The following ZFAND3 variants were observed in gnomAD, a reference collection of about 807,000 sequenced individuals.
ZFAND3 encodes the protein zinc finger AN1-type containing 3.
In ZFAND3, 10 loss-of-function variants were observed where a neutral mutation model predicts 29.6. That is an observed-to-expected ratio of 0.34 (90% CI 0.21 to 0.57). The LOEUF (loss-of-function observed/expected upper bound fraction) is 0.57. Among genes scored for constraint, ZFAND3 ranks in the 20% least tolerant of loss-of-function variants. The pLI is 0.86. For missense variants in ZFAND3, 230 were observed against 304.5 expected, an observed-to-expected ratio of 0.76 and a Z score of 1.82; for synonymous variants, 128 against 112.6, an observed-to-expected ratio of 1.14 and a Z score of -0.87.
At chr6:37,965,108 A>G (rs535639296) in intron 2 of ZFAND3, among the ~76,000 whole-genome samples, 1 of 152,344 alleles carries the variant, frequency 6.6e-6, no homozygotes, top group Admixed American at 6.5e-5. Context: ...AGTACAATAA[A>G]AATAACTTGA....
chr6:37,972,183 C>A (rs1044503372), intron 2 of ZFAND3, among the ~76,000 whole-genome samples: 1 of 152,144 alleles, frequency 6.6e-6, no homozygotes, highest in Non-Finnish European at 1.5e-5. Flanking sequence ...AGCTGTTATA[C>A]CTCACTCAGC....
intron 4 of ZFAND3, among the ~76,000 whole-genome samples, chr6:38,092,126 A>G (rs1043627724): frequency 6.6e-6 from 1 of 152,176 alleles, no homozygotes; most frequent in African/African-American, 2.4e-5. Flanking sequence ...ATCTTCAGAA[A>G]TATTTCATAA....
At chr6:37,913,881 T>A (rs1010623808) in intron 1 of ZFAND3, among the ~76,000 whole-genome samples, 16 of 151,920 alleles carry the variant, frequency 1.1e-4, no homozygotes, top group East Asian at 3.9e-4. Flanking sequence ...TGGCTAATTT[T>A]TTTTATTTTA....
At chr6:38,126,226 A>G (rs576733172) in intron 5 of ZFAND3, among the ~76,000 whole-genome samples, 9 of 152,358 alleles carry the variant, frequency 5.9e-5, no homozygotes, top group East Asian at 1.9e-4. Context: ...TCCATATTAT[A>G]TATCAGTAGT....
chr6:37,871,647 C>T (rs952800192), intron 1 of ZFAND3, among the ~76,000 whole-genome samples: 2 of 152,072 alleles, frequency 1.3e-5, no homozygotes, highest in Non-Finnish European at 2.9e-5. Flanking sequence ...TAGAGAAAAC[C>T]AAGTGAAGGT....
At chr6:38,144,923 G>A (rs1766072374) in intron 5 of ZFAND3, among the ~76,000 whole-genome samples, 2 of 152,340 alleles carry the variant, frequency 1.3e-5, no homozygotes, top group Admixed American at 6.5e-5. Context: ...GGCACCGATT[G>A]AATCAAAATG....
Position 38,133,429 on chromosome 6 carries a change from G to C in ZFAND3, c.529+16690G>C, listed in dbSNP as rs554987174. ...TAGTATATCCTGGGTACCTGTACTT[G>C]AGTTATATCATTTGACTCTTAAGAG... On this transcript the variant is annotated intron_variant, in intron 5 of 5. Coordinates refer to ENST00000287218, the MANE Select transcript of ZFAND3 (RefSeq NM_021943.3). 2.6e-3 allele frequency among the ~76,000 whole-genome samples: 399 copies of C among 152,266 alleles called. 1 individual carries two copies. Among genetic ancestry groups the C allele is most frequent in the Admixed American group, 6.0e-3 (91 of 15,294 alleles).
chr6:37,934,824 G>A (rs1316899125), intron 2 of ZFAND3, among the ~76,000 whole-genome samples: 2 of 105,994 alleles, frequency 1.9e-5, no homozygotes, highest in Admixed American at 1.4e-4. Context: ...GGGCAACAGA[G>A]TGAGACTCTG....
At chr6:37,868,451 T>C (rs1764628979) in intron 1 of ZFAND3, among the ~76,000 whole-genome samples, 1 of 152,102 alleles carries the variant, frequency 6.6e-6, no homozygotes, top group Non-Finnish European at 1.5e-5. Flanking sequence ...GCAGAGGACA[T>C]GGCCATTGTA....
intron 2 of ZFAND3, among the ~76,000 whole-genome samples, chr6:37,940,680 C>T (rs1761795824): frequency 6.6e-6 from 1 of 152,294 alleles, no homozygotes; most frequent in Non-Finnish European, 1.5e-5. Flanking sequence ...CAAGCAAGAA[C>T]TTGCATATCA....
At chr6:37,929,026 C>T in intron 1 of ZFAND3, among the ~76,000 whole-genome samples, 1 of 152,126 alleles carries the variant, frequency 6.6e-6, no homozygotes, top group Non-Finnish European at 1.5e-5. Context: ...ATTTCTAAGA[C>T]CCCCTTCTAA....
At chr6:37,990,834 CT>C (rs1189058724) in intron 2 of ZFAND3, among the ~76,000 whole-genome samples, 1 of 152,206 alleles carries the variant, frequency 6.6e-6, no homozygotes, top group African/African-American at 2.4e-5. Flanking sequence ...AACCAGCACT[CT>C]TCCTCACCCT....
intron 1 of ZFAND3, among the ~76,000 whole-genome samples, chr6:37,858,679 A>G (rs970382583): frequency 1.3e-5 from 2 of 152,216 alleles, no homozygotes; most frequent in African/African-American, 4.8e-5. Context: ...TTGCTCATCT[A>G]ACACTGTGTA....
At chr6:37,865,836 G>A (rs960581010) in intron 1 of ZFAND3, among the ~76,000 whole-genome samples, 1 of 152,142 alleles carries the variant, frequency 6.6e-6, no homozygotes, top group Non-Finnish European at 1.5e-5. Flanking sequence ...GTTGCAAGTC[G>A]AACGGTAGGT....
chr6:38,031,977 G>T (rs755471383), intron 2 of ZFAND3, among the ~76,000 whole-genome samples: 2 of 151,944 alleles, frequency 1.3e-5, no homozygotes, highest in African/African-American at 4.8e-5. Context: ...GACTACAGGG[G>T]TATGGCACCA....
At chr6:38,076,391 C>T (rs114217544) in intron 3 of ZFAND3, among the ~76,000 whole-genome samples, 52 of 151,976 alleles carry the variant, frequency 3.4e-4, no homozygotes, top group African/African-American at 1.3e-3. Flanking sequence ...GGAACCAAAC[C>T]CATAATATCT....
At chr6:37,935,683 G>A (rs1761685791) in intron 2 of ZFAND3, among the ~76,000 whole-genome samples, 1 of 152,188 alleles carries the variant, frequency 6.6e-6, no homozygotes, top group South Asian at 2.1e-4. Flanking sequence ...GTAAATATGT[G>A]TATATTACTA....
chr6:38,088,449 A>T lies in ZFAND3; in HGVS notation c.361+5992A>T, dbSNP rs75558269. On this transcript the variant is annotated intron_variant, in intron 4 of 5. Transcript: ENST00000287218. ...GGGATGGTTGATGGGTACCAAAAAA[A>T]TAGAATGAATAAGATTCACTATGTG... is the stretch of plus-strand genomic sequence containing the variant. 2,150 of 152,298 alleles carry T rather than the reference A, an allele frequency of 0.014. 252 individuals carry two copies. In the East Asian group the frequency reaches 0.28, roughly 20 times the overall value. The allele number at this position is 152,298 out of a possible 1,614,324, so 9.4% of individuals were successfully genotyped here.
intron 1 of ZFAND3, among the ~76,000 whole-genome samples, chr6:37,844,404 C>T (rs1181578171): frequency 6.6e-6 from 1 of 152,028 alleles, no homozygotes; most frequent in Non-Finnish European, 1.5e-5. Flanking sequence ...GCCTCAGGCT[C>T]CCGAGTAGCT....
Sources: allele counts gnomAD v4.1 joint callset (sites outside exome capture counted in the v4.1 genomes callset), GRCh38; gene constraint gnomAD v4.1.1; transcripts MANE v1.5; gene names NCBI Gene and HGNC (gene_info 2026-07-23, HGNC 2026-07-21).